FBXL13: variants seen among roughly 807,000 people sequenced by gnomAD.
FBXL13 encodes the protein F-box and leucine rich repeat protein 13.
A neutral mutation model predicts 83.6 loss-of-function variants in FBXL13; 67 were observed. That is an observed-to-expected ratio of 0.80 (90% CI 0.66 to 0.98). The LOEUF (loss-of-function observed/expected upper bound fraction) is 0.98. FBXL13 is among the 50% of genes least tolerant of loss of function. FBXL13 has a pLI of 0.00. For missense variants in FBXL13, 822 were observed against 866.5 expected, an observed-to-expected ratio of 0.95 and a Z score of 0.64; for synonymous variants, 272 against 299.5, an observed-to-expected ratio of 0.91 and a Z score of 0.95.
Position 102,910,944 on chromosome 7 carries a change from G to C in FBXL13, c.1008+2142C>G, listed in dbSNP as rs141110906. ...TGGCCAATTTTTTGCATTTCTGGTA[G>C]AGACGTGGGTCCCACCATGTTGCCT... On this transcript the variant is annotated intron_variant, in intron 11 of 19. Transcript: ENST00000313221. Among the ~76,000 whole-genome samples, 566 of 152,232 alleles carry C rather than the reference G, an allele frequency of 3.7e-3. 5 individuals carry two copies. Among genetic ancestry groups the C allele is most frequent in the African/African-American group, 0.013 (559 of 41,542 alleles).
chr7:102,849,173 G>T (rs1359262987), intron 17 of FBXL13, among the ~76,000 whole-genome samples: 4 of 152,134 alleles, frequency 2.6e-5, no homozygotes, highest in African/African-American at 9.7e-5. Context: ...TCAAGAAAAC[G>T]ATTTCTTAAG....
At chr7:102,827,144 C>A in intron 18 of FBXL13, 1 of 455,114 alleles carries the variant, frequency 2.2e-6, no homozygotes, top group Non-Finnish European at 4.4e-6. Flanking sequence ...TGCCTTGCAG[C>A]TTCTACCTTT....
intron 8 of FBXL13, among the ~76,000 whole-genome samples, chr7:102,959,816 T>C (rs1414005348): frequency 6.6e-6 from 1 of 151,966 alleles, no homozygotes; most frequent in Non-Finnish European, 1.5e-5. Context: ...GTCCATCAAA[T>C]AGAAGAAGGT....
Position 102,975,633 on chromosome 7 carries a change from T to TA in FBXL13, c.496-7517dup, listed in dbSNP as rs529762995. ...GTCCTAACGAAAACCCAGCCCTTTT[T>TA]ATCTCTCGTTTAACTGAAGCCATGA... On this transcript the variant is annotated intron_variant, in intron 6 of 19. Coordinates refer to ENST00000313221, the Ensembl canonical transcript of FBXL13. Among the ~76,000 whole-genome samples, 5 of 152,324 alleles carry TA rather than the reference T, an allele frequency of 3.3e-5. 1 individual carries two copies. In the South Asian group the frequency reaches 1.0e-3, roughly 32 times the overall value.
chr7:103,059,931 C>T (rs779212946), intron 1 of FBXL13, among the ~76,000 whole-genome samples: 4 of 148,042 alleles, frequency 2.7e-5, no homozygotes, highest in African/African-American at 5.0e-5. Flanking sequence ...AAGGTTCATA[C>T]GCTATAGGGC....
chr7:102,884,228 C>T, exon 12 of FBXL13: 1 of 1,613,024 alleles, frequency 6.2e-7, no homozygotes, highest in South Asian at 1.1e-5. Flanking sequence ...ACACAGTTGT[C>T]CGTCAGAGTT....
At chr7:102,970,944 A>C (rs969536785) in intron 6 of FBXL13, among the ~76,000 whole-genome samples, 2 of 152,204 alleles carry the variant, frequency 1.3e-5, no homozygotes, top group African/African-American at 4.8e-5. Flanking sequence ...TAAGAGACAC[A>C]TTACATAACA....
chr7:103,021,067 A>G lies in FBXL13; in HGVS notation c.495+3996T>C, dbSNP rs539130934. 1.2e-4 allele frequency among the ~76,000 whole-genome samples: 18 copies of G among 152,300 alleles called. No homozygotes were observed. In the East Asian group the frequency reaches 3.5e-3, roughly 29 times the overall value. ...AGAACAAAGCTGGAGGCATCATGCTACCTGACTTCAAACTATACTACAAAG... is the reference window on the plus strand; with the variant it reads ...AGAACAAAGCTGGAGGCATCATGCTGCCTGACTTCAAACTATACTACAAAG... On this transcript the variant is annotated intron_variant, in intron 6 of 19. Transcript: ENST00000313221.
chr7:103,052,424 G>C (rs1462653749), intron 2 of FBXL13, among the ~76,000 whole-genome samples: 2 of 151,832 alleles, frequency 1.3e-5, no homozygotes, highest in East Asian at 3.9e-4. Context: ...AAAATATTGA[G>C]GACTAAAGTG....
At chr7:102,917,333 G>A (rs1231041701) in intron 10 of FBXL13, among the ~76,000 whole-genome samples, 1 of 152,072 alleles carries the variant, frequency 6.6e-6, no homozygotes, top group Non-Finnish European at 1.5e-5. Flanking sequence ...AAAACAATTG[G>A]ATACTACTCC....
intron 18 of FBXL13, among the ~76,000 whole-genome samples, chr7:102,830,942 T>C (rs773804757): frequency 1.4e-4 from 21 of 152,228 alleles, no homozygotes; most frequent in Non-Finnish European, 2.8e-4. Flanking sequence ...TGGTAATCCT[T>C]TTGTTCACGA....
chr7:103,023,833 C>A (rs780848339), intron 6 of FBXL13, among the ~76,000 whole-genome samples: 4 of 152,088 alleles, frequency 2.6e-5, no homozygotes, highest in Non-Finnish European at 5.9e-5. Context: ...GCAACATGGA[C>A]GGAGTTGGAG....
chr7:103,002,906 T>C (rs1167397916), intron 6 of FBXL13, among the ~76,000 whole-genome samples: 1 of 152,160 alleles, frequency 6.6e-6, no homozygotes, highest in Non-Finnish European at 1.5e-5. Flanking sequence ...TATTTGGTGA[T>C]CTCTGACCTT....
intron 16 of FBXL13, among the ~76,000 whole-genome samples, chr7:102,870,863 T>G (rs1584719067): frequency 6.6e-6 from 1 of 152,026 alleles, no homozygotes; most frequent in African/African-American, 2.4e-5. Flanking sequence ...CTGCAGTAAG[T>G]TTTGATGGTG....
At chr7:102,963,626 A>G (rs1825625486) in exon 8 of FBXL13, 1 of 1,607,378 alleles carries the variant, frequency 6.2e-7, no homozygotes, top group Non-Finnish European at 8.5e-7. Context: ...GACACTATAT[A>G]TTTATCTGGA....
intron 2 of FBXL13, among the ~76,000 whole-genome samples, chr7:103,033,413 T>G (rs1794727757): frequency 1.3e-5 from 2 of 152,228 alleles, no homozygotes; most frequent in African/African-American, 4.8e-5. Flanking sequence ...TCTCACTGAC[T>G]TCAAGAATGA....
intron 11 of FBXL13, among the ~76,000 whole-genome samples, chr7:102,901,383 C>T (rs1812943917): frequency 6.6e-6 from 1 of 152,194 alleles, no homozygotes; most frequent in Admixed American, 6.5e-5. Context: ...TATCCATCCC[C>T]TTAAGCATTT....
At position 102,973,546 on chromosome 7, in the gene FBXL13, G is replaced by A. The variant is rs369076515; in HGVS notation, c.496-5429C>T. 86 of 764,782 alleles carry A rather than the reference G, an allele frequency of 1.1e-4. 1 individual carries two copies. Among genetic ancestry groups the A allele is most frequent in the Middle Eastern group, 3.1e-4 (1 of 3,214 alleles). The allele number at this position is 764,782 out of a possible 1,614,324, so 47.4% of individuals were successfully genotyped here. ...ACCCAGGCGCTCATTAAAACAGCAG[G>A]TTGCTCCACACTGCCTCGTGTTGTC... is the stretch of plus-strand genomic sequence containing the variant. On this transcript the variant is annotated intron_variant, in intron 6 of 19. Coordinates refer to ENST00000313221, the Ensembl canonical transcript of FBXL13.
intron 7 of FBXL13, 118 bp downstream of exon 8, chr7:102,967,904 C>A: frequency 1.6e-6 from 1 of 613,128 alleles, no homozygotes; most frequent in Non-Finnish European, 2.7e-6. Flanking sequence ...ACCAAATTCA[C>A]TTGCTGCTGG....
Sources: allele counts gnomAD v4.1 joint callset (sites outside exome capture counted in the v4.1 genomes callset), GRCh38; gene constraint gnomAD v4.1.1; transcripts MANE v1.5; gene names NCBI Gene and HGNC (gene_info 2026-07-23, HGNC 2026-07-21).